The following MMP15 variants were observed in gnomAD, a reference collection of about 807,000 sequenced individuals.
MMP15 encodes the protein matrix metalloproteinase-15.
A neutral mutation model predicts 65.0 loss-of-function variants in MMP15; 36 were observed. The ratio of observed to expected loss-of-function variants is 0.55; its 90% CI spans 0.42 to 0.73. The LOEUF is 0.73. Ranked by LOEUF, MMP15 falls within the 30% of genes least tolerant of loss-of-function variation. MMP15 has a pLI of 0.00. For missense variants in MMP15, 870 were observed against 987.8 expected (o/e 0.88, Z 1.60); for synonymous variants, 428 against 410.2 (o/e 1.04, Z -0.52).
intron 2 of MMP15, 89 bp from the exon 3 acceptor site, chr16:58,038,177 A>G: frequency 6.5e-7 from 1 of 1,549,100 alleles, no homozygotes; most frequent in Admixed American, 1.8e-5. Context: ...GCGGCTGGGA[A>G]GCCCGGAAGT....
intron 1 of MMP15, among the ~76,000 whole-genome samples, chr16:58,034,305 A>G (rs1959288748): frequency 6.6e-6 from 1 of 152,202 alleles, no homozygotes; most frequent in South Asian, 2.1e-4. Flanking sequence ...AGAGCAGTTC[A>G]GCAAGCTCCC....
rs774334502 is a variant in MMP15 at position 58,045,457 on chromosome 16, C to G, written c.*11C>G. On this transcript the variant is annotated 3_prime_UTR_variant, in exon 10 of 10. Transcript: ENST00000219271. Reference sequence around the variant, plus strand: ...CAGGAGTGGGTCTGACCACCCAGCGCTCCTGCTAACGGTGCTCAGGGGGCG... The same window carrying G: ...CAGGAGTGGGTCTGACCACCCAGCGGTCCTGCTAACGGTGCTCAGGGGGCG... 6.6e-7 allele frequency: 1 copy of G among 1,504,432 alleles called. No individual in the cohort carries two copies. The highest frequency in any genetic ancestry group is 1.3e-5 in the South Asian group (1 of 76,524). 93.2% of individuals were successfully genotyped at this position (1,504,432 alleles called of 1,614,324 possible). A position where few individuals can be genotyped will look rare whatever the true frequency, so the allele number is the denominator to read the frequency against.
intron 2 of MMP15, among the ~76,000 whole-genome samples, chr16:58,037,916 C>T (rs1168483484): frequency 1.3e-5 from 2 of 152,150 alleles, no homozygotes; most frequent in African/African-American, 4.8e-5. Flanking sequence ...GAAGGGAAAT[C>T]GTAGCTAGGC....
chr16:58,036,881 G>T (rs1247161539), intron 1 of MMP15, among the ~76,000 whole-genome samples: 1 of 152,234 alleles, frequency 6.6e-6, no homozygotes, highest in Non-Finnish European at 1.5e-5. Context: ...CTGTCCTAAT[G>T]GGGGAAGACA....
intron 5 of MMP15, 184 bp downstream of exon 5, chr16:58,040,882 C>A: frequency 1.1e-6 from 1 of 889,864 alleles, no homozygotes; most frequent in Non-Finnish European, 1.8e-6. Context: ...GGGCAGGCTG[C>A]CTCCAGGGCC....
intron 1 of MMP15, among the ~76,000 whole-genome samples, chr16:58,029,295 G>A (rs956353603): frequency 1.3e-5 from 2 of 152,210 alleles, no homozygotes; most frequent in South Asian, 2.1e-4. Context: ...GCACTTCCAT[G>A]CTGGCTCCGG....
chr16:58,040,280 G>A, intron 4 of MMP15, 98 bp downstream of exon 4: 1 of 1,289,014 alleles, frequency 7.8e-7, no homozygotes, highest in Non-Finnish European at 1.1e-6. Context: ...GGGCTGGGAG[G>A]AGAGAGTTCC....
Position 58,027,224 on chromosome 16 carries a change from G to A in MMP15, c.162+712G>A, listed in dbSNP as rs541697287. On this transcript the variant is annotated intron_variant, in intron 1 of 9. Transcript: ENST00000219271. ...TCGAAGCCCTGGATTCGAGAGGGTG[G>A]ACCCCGCGCCTCTCTTCGCTAGGAG... Among the ~76,000 whole-genome samples, 7 of 152,302 alleles carry A rather than the reference G, an allele frequency of 4.6e-5. No individual in the cohort carries two copies. In the East Asian group the frequency reaches 1.4e-3, roughly 29 times the overall value.
chr16:58,032,069 T>G (rs1963896561), intron 1 of MMP15, among the ~76,000 whole-genome samples: 1 of 152,064 alleles, frequency 6.6e-6, no homozygotes, highest in African/African-American at 2.4e-5. Context: ...GGTTTCACTG[T>G]GTTAGCCAGA....
rs763559443 is a variant in MMP15, at chr16:58,041,703, C to T, written c.997C>T (p.Arg333Trp). The change falls in exon 6 of 10, where the codon CGG (arginine) becomes TGG (tryptophan). Residue 333 changes from arginine (R) to tryptophan (W), a missense_variant. Transcript: ENST00000219271. ...AGGCCGGCCTGACCACCGGCCGCCC[C>T]GGCCTCCCCAGCCACCACCCCCAGG... ...RPGRPDHRPP[R>W]PPQPPPPGGK... is the part of the protein sequence containing the mutation. The T allele has an allele frequency of 6.3e-6, 10 of 1,581,776 alleles. No individual in the cohort carries two copies. The highest frequency in any genetic ancestry group is 4.1e-5 in the African/African-American group (3 of 73,998).
chr16:58,038,321 G>T lies in MMP15; in HGVS notation c.367G>T (p.Ala123Ser). ...VPDQFGVRVK[A>S]NLRRRRKRYA... Reference sequence around the variant, plus strand: ...AGACCAGTTCGGGGTACGAGTGAAAGCCAACCTGCGGCGGCGTCGGAAGCG... The same window carrying T: ...AGACCAGTTCGGGGTACGAGTGAAATCCAACCTGCGGCGGCGTCGGAAGCG... The change falls in exon 3 of 10, where the codon GCC becomes TCC. Residue 123 changes from alanine (A) to serine (S), a missense_variant. Transcript: ENST00000219271. The T allele has an allele frequency of 1.2e-6, 2 of 1,614,084 alleles. No individual in the cohort carries two copies. The highest frequency in any genetic ancestry group is 3.3e-5 in the Admixed American group (2 of 60,026).
intron 1 of MMP15, among the ~76,000 whole-genome samples, chr16:58,026,838 C>G (rs539375134): frequency 2.7e-3 from 407 of 152,342 alleles, no homozygotes; most frequent in African/African-American, 9.3e-3. Flanking sequence ...GCCCTTGCCT[C>G]CCCTCCTTCC....
intron 7 of MMP15, 118 bp downstream of exon 7, chr16:58,042,487 C>G: frequency 1.5e-6 from 2 of 1,369,426 alleles, no homozygotes; most frequent in Non-Finnish European, 1.0e-6. Context: ...TGTGCCCCCA[C>G]TGTGGGCTCA....
chr16:58,034,566 C>G (rs901449719), intron 1 of MMP15, among the ~76,000 whole-genome samples: 3 of 152,188 alleles, frequency 2.0e-5, no homozygotes, highest in Non-Finnish European at 4.4e-5. Flanking sequence ...CGGTCAGGCA[C>G]GCTCTGCCAG....
Position 58,037,543 on chromosome 16 carries a change from C to A in MMP15, c.234C>A (p.Ile78=). 1 of 1,614,240 alleles carries A rather than the reference C, an allele frequency of 6.2e-7. No homozygotes were observed. Among genetic ancestry groups the A allele is most frequent in the Non-Finnish European group, 8.5e-7 (1 of 1,180,046 alleles). The change falls in exon 2 of 10, where the codon ATC becomes ATA. Residue 78 remains isoleucine, a synonymous_variant. Coordinates refer to ENST00000219271, the MANE Select transcript of MMP15 (RefSeq NM_002428.4). The part of the protein sequence containing the change: ...RHMSTMRSAQ[I]LASALAEMQR... ...TGTCCACCATGCGTTCCGCCCAGAT[C>A]TTGGCCTCGGCCCTTGCAGAGATGC...
intron 7 of MMP15, among the ~76,000 whole-genome samples, chr16:58,042,573 A>G (rs1255190673): frequency 6.6e-6 from 1 of 152,098 alleles, no homozygotes; most frequent in African/African-American, 2.4e-5. Flanking sequence ...TGGACCTGCA[A>G]CCCGGAAGTG....
At chr16:58,044,243 C>T (rs1434370695) in intron 9 of MMP15, among the ~76,000 whole-genome samples, 5 of 152,156 alleles carry the variant, frequency 3.3e-5, no homozygotes, top group Admixed American at 6.5e-5. Context: ...TCCAGGAGTT[C>T]GAGACCAGCC....
At chr16:58,041,568 T>C (rs1959453997) in intron 5 of MMP15, 49 bp from the exon 6 acceptor site, 2 of 1,553,080 alleles carry the variant, frequency 1.3e-6, no homozygotes, top group Non-Finnish European at 1.7e-6. Context: ...GGGCCCAGGG[T>C]TCTGAGTAGG....
intron 1 of MMP15, among the ~76,000 whole-genome samples, chr16:58,033,925 A>G (rs1959282445): frequency 6.6e-6 from 1 of 152,246 alleles, no homozygotes; most frequent in African/African-American, 2.4e-5. Context: ...GAAATGGCTG[A>G]GAGAACCACA....
Sources: allele counts gnomAD v4.1 joint callset (sites outside exome capture counted in the v4.1 genomes callset), GRCh38; gene constraint gnomAD v4.1.1; transcripts MANE v1.5; gene names NCBI Gene and HGNC (gene_info 2026-07-23, HGNC 2026-07-21).